The following ARHGAP26 variants were observed in gnomAD, a reference collection of about 807,000 sequenced individuals.
ARHGAP26 encodes Rho GTPase activating protein 26, also known as rho GTPase-activating protein 26.
ARHGAP26 carries 38 observed loss-of-function variants against 104.8 expected under a neutral mutation model. The observed-to-expected ratio is 0.36, with a 90% CI of 0.28 to 0.48. The LOEUF (loss-of-function observed/expected upper bound fraction) is 0.48. Among genes scored for constraint, ARHGAP26 ranks in the 20% least tolerant of loss-of-function variants. The pLI is 0.99. For missense variants in ARHGAP26, 704 were observed against 947.9 expected (o/e 0.74, Z 3.38); for synonymous variants, 341 against 340.0 (o/e 1.00, Z -0.03).
At chr5:142,938,831 C>T (rs562632976) in intron 11 of ARHGAP26, among the ~76,000 whole-genome samples, 1 of 152,262 alleles carries the variant, frequency 6.6e-6, no homozygotes, top group South Asian at 2.1e-4. Context: ...ATTAGTCCTC[C>T]TTCACATTTC....
chr5:142,876,393 A>G (rs531369893), intron 3 of ARHGAP26, among the ~76,000 whole-genome samples: 1 of 152,334 alleles, frequency 6.6e-6, no homozygotes, highest in African/African-American at 2.4e-5. Flanking sequence ...TGAGGTTTAC[A>G]GAGGTTAAGT....
intron 1 of ARHGAP26, among the ~76,000 whole-genome samples, chr5:142,872,444 A>G (rs568706023): frequency 2.2e-4 from 34 of 152,262 alleles, no homozygotes; most frequent in African/African-American, 6.7e-4. Context: ...TGAGGGAACC[A>G]TGTATGAGGG....
At chr5:143,148,127 A>T (rs1799379201) in intron 20 of ARHGAP26, among the ~76,000 whole-genome samples, 1 of 152,146 alleles carries the variant, frequency 6.6e-6, no homozygotes, top group African/African-American at 2.4e-5. Flanking sequence ...CCATGACCGG[A>T]ACAGTTGGAC....
chr5:143,146,877 G>A (rs1799221934), intron 19 of ARHGAP26, among the ~76,000 whole-genome samples: 1 of 152,230 alleles, frequency 6.6e-6, no homozygotes, highest in African/African-American at 2.4e-5. Context: ...CTGGGTGAAT[G>A]TGAGGGGTCT....
intron 1 of ARHGAP26, among the ~76,000 whole-genome samples, chr5:142,812,769 C>G (rs1035177761): frequency 9.9e-5 from 15 of 152,086 alleles, no homozygotes; most frequent in African/African-American, 3.6e-4. Context: ...AACTCCTGGG[C>G]TCAAGCAGTC....
chr5:142,933,488 G>A (rs1490289249), intron 11 of ARHGAP26, among the ~76,000 whole-genome samples: 3 of 152,110 alleles, frequency 2.0e-5, no homozygotes, highest in South Asian at 4.1e-4. Flanking sequence ...TCTGAAGTAC[G>A]GTGGCTTATG....
intron 11 of ARHGAP26, among the ~76,000 whole-genome samples, chr5:142,944,080 C>T (rs1766761469): frequency 6.6e-6 from 1 of 152,116 alleles, no homozygotes; most frequent in African/African-American, 2.4e-5. Flanking sequence ...ATTATGTAGT[C>T]ATGCCTGGGT....
chr5:143,183,085 A>AAG (rs1554262188), intron 20 of ARHGAP26, among the ~76,000 whole-genome samples: 6 of 151,612 alleles, frequency 4.0e-5, no homozygotes, highest in African/African-American at 1.5e-4. Context: ...AAAAAAAAAA[A>AAG]AAAAAAGAAA....
At chr5:143,152,751 T>C (rs182649584) in intron 20 of ARHGAP26, among the ~76,000 whole-genome samples, 1 of 152,298 alleles carries the variant, frequency 6.6e-6, no homozygotes, top group Admixed American at 6.5e-5. Flanking sequence ...TGGAACCCAG[T>C]CACCATGTAA....
intron 1 of ARHGAP26, among the ~76,000 whole-genome samples, chr5:142,858,753 A>G (rs1752822212): frequency 6.6e-6 from 1 of 152,142 alleles, no homozygotes; most frequent in African/African-American, 2.4e-5. Context: ...GAGATTACCA[A>G]TTGAAGGGAT....
intron 1 of ARHGAP26, among the ~76,000 whole-genome samples, chr5:142,815,281 T>TCTGG (rs1764884922): frequency 6.6e-6 from 1 of 152,246 alleles, no homozygotes. Flanking sequence ...CCTTAGGTGA[T>TCTGG]CTGCATGCCT....
At chr5:143,164,709 A>G (rs1340334065) in intron 20 of ARHGAP26, among the ~76,000 whole-genome samples, 1 of 152,238 alleles carries the variant, frequency 6.6e-6, no homozygotes, top group Admixed American at 6.5e-5. Flanking sequence ...ATTGGAGCAT[A>G]GAGAGCGCTG....
At chr5:143,157,327 C>T (rs1800605279) in intron 20 of ARHGAP26, among the ~76,000 whole-genome samples, 1 of 152,136 alleles carries the variant, frequency 6.6e-6, no homozygotes, top group Non-Finnish European at 1.5e-5. Context: ...CAGGTGCACA[C>T]CTCCACATCC....
intron 17 of ARHGAP26, among the ~76,000 whole-genome samples, chr5:143,093,394 T>G (rs865978966): frequency 2.0e-5 from 3 of 152,016 alleles, no homozygotes; most frequent in Admixed American, 6.5e-5. Flanking sequence ...GGTATTGGAG[T>G]GTTATAGGGT....
rs144637865 is a variant in ARHGAP26, at chr5:143,129,205, T to C, written c.1699-4762T>C. 1.2e-4 allele frequency among the ~76,000 whole-genome samples: 18 copies of C among 152,372 alleles called. No individual in the cohort carries two copies. In the East Asian group the frequency reaches 3.5e-3, roughly 29 times the overall value. On this transcript the variant is annotated intron_variant, in intron 18 of 22. Coordinates refer to ENST00000645722, the MANE Select transcript of ARHGAP26 (RefSeq NM_001135608.3). ...ATCAATGTTTTGCAAAGAACAGTAA[T>C]TATATTTACACTTATAAATTAAATC...
chr5:143,183,737 C>A (rs553259033), intron 20 of ARHGAP26, among the ~76,000 whole-genome samples: 2 of 152,208 alleles, frequency 1.3e-5, no homozygotes, highest in Non-Finnish European at 2.9e-5. Flanking sequence ...GCTTCCTCCA[C>A]CAACTCCTTA....
chr5:142,821,284 TTCCTAAGG>T (rs1284147540), intron 1 of ARHGAP26, among the ~76,000 whole-genome samples: 1 of 149,856 alleles, frequency 6.7e-6, no homozygotes, highest in African/African-American at 2.5e-5. Context: ...GTTGGCAGGC[TTCCTAAGG>T]TAGAGTGGTT....
chr5:143,189,523 C>T (rs540928633), intron 20 of ARHGAP26, among the ~76,000 whole-genome samples: 5 of 152,176 alleles, frequency 3.3e-5, no homozygotes, highest in Admixed American at 1.3e-4. Context: ...TGGTTGTTTA[C>T]GAGTTTATTT....
At position 143,227,055 on chromosome 5, in the gene ARHGAP26, C is replaced by A. The variant is rs1811733496; in HGVS notation, c.*4609C>A. ...GGGGGAGAAAGACAGAAAGAAGAAG[C>A]CAAAGATAACCTGATCCCTGCCTGT... On this transcript the variant is annotated 3_prime_UTR_variant, in exon 23 of 23. Transcript: ENST00000645722. 8.7e-6 allele frequency: 2 copies of A among 230,246 alleles called. No individual in the cohort carries two copies. The highest frequency in any genetic ancestry group is 4.4e-5 in the African/African-American group (2 of 45,158). 14.3% of individuals were successfully genotyped at this position (230,246 alleles called of 1,614,324 possible). A position where few individuals can be genotyped will look rare whatever the true frequency, so the allele number is the denominator to read the frequency against.
Sources: gnomAD v4.1 joint callset for allele counts (sites outside exome capture counted in the v4.1 genomes callset) on GRCh38, gnomAD v4.1.1 for gene constraint, MANE v1.5 for transcripts, NCBI Gene and HGNC (gene_info 2026-07-23, HGNC 2026-07-21) for gene names.